The following NLRP4 variants were observed in gnomAD, a reference collection of about 807,000 sequenced individuals.
NLRP4 encodes the protein NLR family pyrin domain containing 4, also known as NACHT, LRR and PYD domains-containing protein 4.
NLRP4 carries 44 observed loss-of-function variants against 84.7 expected under a neutral mutation model. The ratio of observed to expected loss-of-function variants is 0.52; its 90% CI spans 0.41 to 0.67. The LOEUF is 0.67. Among genes scored for constraint, NLRP4 ranks in the 30% least tolerant of loss-of-function variants. The pLI is 0.00. For missense variants in NLRP4, 1,260 were observed against 1,219.4 expected (o/e 1.03, Z -0.50); for synonymous variants, 544 against 476.4 (o/e 1.14, Z -1.85).
chr19:55,841,694 C>G (rs542675929), intron 1 of NLRP4, among the ~76,000 whole-genome samples: 2 of 152,048 alleles, frequency 1.3e-5, no homozygotes, highest in Non-Finnish European at 1.5e-5. Flanking sequence ...AACCCCATCT[C>G]TATTAAAAAT....
At chr19:55,850,959 G>A (rs1984099959) in intron 1 of NLRP4, among the ~76,000 whole-genome samples, 2 of 109,344 alleles carry the variant, frequency 1.8e-5, no homozygotes, top group African/African-American at 6.0e-5. Flanking sequence ...CCGAGGCTGC[G>A]GTGTAATGTC....
At chr19:55,850,391 GTGGCTGCGGTGT>G (rs1390688062) in intron 1 of NLRP4, among the ~76,000 whole-genome samples, 9 of 54,204 alleles carry the variant, frequency 1.7e-4, no homozygotes, top group Non-Finnish European at 2.0e-4. Context: ...TGTAATGTCC[GTGGCTGCGGTGT>G]AATGTCCGTG....
At chr19:55,867,561 G>C in intron 5 of NLRP4, 148 bp from the exon 6 acceptor site, 2 of 660,122 alleles carry the variant, frequency 3.0e-6, no homozygotes, top group Non-Finnish European at 2.6e-6. Flanking sequence ...CCCAGAGACT[G>C]GGTTGACAGG....
intron 1 of NLRP4, among the ~76,000 whole-genome samples, chr19:55,842,064 A>G (rs924642498): frequency 6.6e-6 from 1 of 152,192 alleles, no homozygotes; most frequent in Non-Finnish European, 1.5e-5. Flanking sequence ...GGTGTGTAAG[A>G]GTTGCCTTTT....
chr19:55,873,095 A>C (rs954743490), intron 7 of NLRP4, among the ~76,000 whole-genome samples: 2 of 152,194 alleles, frequency 1.3e-5, no homozygotes, highest in African/African-American at 4.8e-5. Context: ...ACACATTTTC[A>C]AATAAATACC....
At chr19:55,873,869 A>G (rs1304195303) in intron 7 of NLRP4, among the ~76,000 whole-genome samples, 1 of 152,180 alleles carries the variant, frequency 6.6e-6, no homozygotes, top group East Asian at 1.9e-4. Flanking sequence ...AAATTAGAAC[A>G]TATGTTGAAA....
Position 55,862,244 on chromosome 19 carries a change from G to A in NLRP4, c.2186+85G>A, listed in dbSNP as rs1600233577. 1.3e-5 allele frequency: 9 copies of A among 672,746 alleles called. 3 individuals are homozygous for A. The highest frequency in any genetic ancestry group is 1.2e-4 in the African/African-American group (6 of 49,798). The allele number at this position is 672,746 out of a possible 1,614,324, so 41.7% of individuals were successfully genotyped here. On this transcript the variant is annotated intron_variant, in intron 5 of 9. Coordinates refer to ENST00000301295, the MANE Select transcript of NLRP4 (RefSeq NM_134444.5). ...TCCGTTTATTGAGACCACTGATTAG[G>A]TTTCAGAGAAAACTATAGCATAAGT...
chr19:55,879,188 TTGTC>T (rs1985493377), intron 9 of NLRP4, among the ~76,000 whole-genome samples: 1 of 152,110 alleles, frequency 6.6e-6, no homozygotes, highest in African/African-American at 2.4e-5. Flanking sequence ...AGTGGCCTCA[TTGTC>T]TGGGGTAACA....
rs149428225 is a variant in NLRP4 at position 55,858,519 on chromosome 19, G to A, written c.1126G>A (p.Val376Ile). ...CACTACCTCTGTGTACTCCTCTTTC[G>A]TCTTTAACCTGTTCACACCTGAGGG... is the stretch of plus-strand genomic sequence containing the variant. ...QSTTSVYSSF[V>I]FNLFTPEGAE... Residue 376 changes from valine to isoleucine, a missense_variant, in exon 3 of 10, where the codon GTC becomes ATC. By Grantham distance (29) the Val-to-Ile change is conservative. Coordinates refer to ENST00000301295, the MANE Select transcript of NLRP4 (RefSeq NM_134444.5). The surrounding 1 kb of genome is among the most constrained non-coding windows in gnomAD (Gnocchi z 4.2). 17 of 1,614,120 alleles carry A rather than the reference G, an allele frequency of 1.1e-5. No homozygotes were observed. Among genetic ancestry groups the A allele is most frequent in the African/African-American group, 5.3e-5 (4 of 75,012 alleles).
chr19:55,866,561 A>G (rs1247647035), intron 5 of NLRP4, among the ~76,000 whole-genome samples: 1 of 152,170 alleles, frequency 6.6e-6, no homozygotes, highest in African/African-American at 2.4e-5. Flanking sequence ...ACACAGTTAA[A>G]CCACACAGTT....
intron 5 of NLRP4, among the ~76,000 whole-genome samples, chr19:55,863,517 G>C (rs189314962): frequency 6.6e-6 from 1 of 152,068 alleles, no homozygotes; most frequent in Admixed American, 6.6e-5. Context: ...ACCAGGTCGC[G>C]TGAGGACTCT....
intron 3 of NLRP4, 136 bp downstream of exon 3, chr19:55,859,385 C>G: frequency 5.9e-6 from 4 of 681,290 alleles, no homozygotes; most frequent in Non-Finnish European, 9.6e-6. Flanking sequence ...AGCTCACATC[C>G]TGGCCCAACA....
At chr19:55,863,481 AG>A (rs1984839956) in intron 5 of NLRP4, among the ~76,000 whole-genome samples, 1 of 152,110 alleles carries the variant, frequency 6.6e-6, no homozygotes, top group Non-Finnish European at 1.5e-5. Context: ...AAGAGAGAAG[AG>A]GGAGGCGCTA....
rs772255842 is a variant in NLRP4 at position 55,878,839 on chromosome 19, G to T, written c.2742G>T (p.Ala914=). 6.2e-7 allele frequency: 1 copy of T among 1,613,822 alleles called. No individual in the cohort carries two copies. Among genetic ancestry groups the T allele is most frequent in the East Asian group, 2.2e-5 (1 of 44,862 alleles). ...CGAGCACCTGCTGTAAGGATCTCGCGTCTGTTCTCACCTGCAGTAAGACCC... is the reference window on the plus strand; with the variant it reads ...CGAGCACCTGCTGTAAGGATCTCGCTTCTGTTCTCACCTGCAGTAAGACCC... ...GLTSTCCKDL[A]SVLTCSKTLQ... Residue 914 remains alanine, a synonymous_variant, in exon 9 of 10, where the codon GCG becomes GCT. Coordinates refer to ENST00000301295, the MANE Select transcript of NLRP4 (RefSeq NM_134444.5).
rs142658823 is a variant in NLRP4 at position 55,870,638 on chromosome 19, G to A, written c.2355-189G>A. 2.9e-3 allele frequency among the ~76,000 whole-genome samples: 438 copies of A among 152,276 alleles called. 6 individuals are homozygous for A. Among genetic ancestry groups the A allele is most frequent in the African/African-American group, 9.8e-3 (409 of 41,532 alleles). ...AGATCGCGCCGTTGCATTCCAGCCC[G>A]GGCGACGACAGCAAAACTCCATCTC... On this transcript the variant is annotated intron_variant, in intron 6 of 9. Coordinates refer to ENST00000301295, the MANE Select transcript of NLRP4 (RefSeq NM_134444.5).
Position 55,859,177 on chromosome 19 carries a change from A to T in NLRP4, c.1784A>T (p.Tyr595Phe). 6.2e-7 allele frequency: 1 copy of T among 1,612,728 alleles called. No individual in the cohort carries two copies. Among genetic ancestry groups the T allele is most frequent in the Non-Finnish European group, 8.5e-7 (1 of 1,178,742 alleles). Residue 595 changes from tyrosine to phenylalanine, a missense_variant, in exon 3 of 10, where the codon TAC (tyrosine) becomes TTC (phenylalanine). By Grantham distance (22) the Tyr-to-Phe change is conservative. Coordinates refer to ENST00000301295, the MANE Select transcript of NLRP4 (RefSeq NM_134444.5). Reference protein sequence around the residue: ...DLVVSAYCLKYCSSLRKLCFS... With the variant: ...DLVVSAYCLKFCSSLRKLCFS... ...GTGGTTTCTGCCTACTGCTTAAAAT[A>T]CTGCTCCAGCTTGAGGAAACTCTGT...
chr19:55,870,474 C>G (rs750275009), intron 6 of NLRP4, among the ~76,000 whole-genome samples: 1 of 152,156 alleles, frequency 6.6e-6, no homozygotes, highest in East Asian at 1.9e-4. Context: ...ACTAGCCTGG[C>G]TAACATGGTG....
rs1460230587 is a variant in NLRP4, at chr19:55,879,513, G to GGTAGC, written c.2867+549_2867+550insGTAGC. Reference sequence around the variant, plus strand: ...CCCACCCCAGTCTTTTATTAAGCAGGCAGGTTCTCTGCCTGAGCTGCACTA... The same window carrying GGTAGC: ...CCCACCCCAGTCTTTTATTAAGCAGGGTAGCCAGGTTCTCTGCCTGAGCTGCACTA... On this transcript the variant is annotated intron_variant, in intron 9 of 9. Transcript: ENST00000301295. 6.5e-3 allele frequency among the ~76,000 whole-genome samples: 995 copies of GGTAGC among 152,178 alleles called. 12 individuals are homozygous for GGTAGC. The highest frequency in any genetic ancestry group is 0.021 in the African/African-American group (879 of 41,502).
chr19:55,872,090 C>T lies in NLRP4; in HGVS notation c.2525+1093C>T, dbSNP rs770636632. 1.0e-3 allele frequency among the ~76,000 whole-genome samples: 158 copies of T among 151,986 alleles called. 1 individual carries two copies. The highest frequency in any genetic ancestry group is 1.8e-3 in the Non-Finnish European group (122 of 67,974). ...GTCTCAATCTCCTGATCTCGTGATC[C>T]GCCCGCCTCGGCCTCCCAAAGTGCT... On this transcript the variant is annotated intron_variant, in intron 7 of 9. Coordinates refer to ENST00000301295, the MANE Select transcript of NLRP4 (RefSeq NM_134444.5).
Sources: allele counts gnomAD v4.1 joint callset (sites outside exome capture counted in the v4.1 genomes callset), GRCh38; gene constraint gnomAD v4.1.1; non-coding constraint Gnocchi (gnomAD v3.1); transcripts MANE v1.5; gene names NCBI Gene and HGNC (gene_info 2026-07-23, HGNC 2026-07-21).